Variants in SLC24A2 observed in about 807,000 individuals in gnomAD.
SLC24A2 encodes sodium/potassium/calcium exchanger 2.
A neutral mutation model predicts 62.0 loss-of-function variants in SLC24A2; 36 were observed. That is an observed-to-expected ratio of 0.58 (90% CI 0.44 to 0.77). SLC24A2 has a LOEUF of 0.77. SLC24A2 is among the 30% of genes least tolerant of loss of function. The probability of loss-of-function intolerance (pLI) is 0.00; values close to 1 mark genes in which losing one functional copy is unlikely to be tolerated. For synonymous variants in SLC24A2, 358 were observed against 294.0 expected (o/e 1.22, Z -2.23); for missense variants, 846 against 817.9 (o/e 1.03, Z -0.42).
chr9:19,903,370 T>C, the SLC24A2 span, among the ~76,000 whole-genome samples: 12 of 152,166 alleles, frequency 7.9e-5, no homozygotes, highest in Admixed American at 3.3e-4. Flanking sequence ...CCTCTTCTTA[T>C]AAGGACACCA....
the SLC24A2 span, among the ~76,000 whole-genome samples, chr9:19,918,960 C>T: frequency 6.6e-6 from 1 of 152,194 alleles, no homozygotes; most frequent in African/African-American, 2.4e-5. Context: ...TAATTTGGGT[C>T]ATAAGGTTTC....
chr9:19,623,525 AG>A (rs1817960655), intron 2 of SLC24A2, among the ~76,000 whole-genome samples: 1 of 152,222 alleles, frequency 6.6e-6, no homozygotes, highest in South Asian at 2.1e-4. Flanking sequence ...TAAAAAAAAT[AG>A]AAGGGATTCT....
At chr9:20,014,519 C>T in the SLC24A2 span, among the ~76,000 whole-genome samples, 12 of 113,214 alleles carry the variant, frequency 1.1e-4, no homozygotes, top group Non-Finnish European at 1.4e-4. Flanking sequence ...TATATATATA[C>T]ACACACACAC....
chr9:19,675,184 T>C (rs1819526481), intron 2 of SLC24A2, among the ~76,000 whole-genome samples: 1 of 152,178 alleles, frequency 6.6e-6, no homozygotes, highest in South Asian at 2.1e-4. Context: ...TGGGGGTGTC[T>C]GCAAAGAGTC....
At chr9:19,662,925 G>A (rs1409228416) in intron 2 of SLC24A2, among the ~76,000 whole-genome samples, 1 of 152,120 alleles carries the variant, frequency 6.6e-6, no homozygotes, top group African/African-American at 2.4e-5. Flanking sequence ...ACTGGTTTTA[G>A]ATCACTAATA....
intron 2 of SLC24A2, among the ~76,000 whole-genome samples, chr9:19,623,991 C>G (rs746337815): frequency 6.6e-6 from 1 of 152,200 alleles, no homozygotes; most frequent in Non-Finnish European, 1.5e-5. Context: ...TGCCCTAGTT[C>G]CCAAGAGCCT....
chr9:19,520,252 C>A (rs1586880541), intron 10 of SLC24A2, among the ~76,000 whole-genome samples: 1 of 152,324 alleles, frequency 6.6e-6, no homozygotes, highest in African/African-American at 2.4e-5. Context: ...ATTTGTCAGA[C>A]TATTTTTACT....
the SLC24A2 span, among the ~76,000 whole-genome samples, chr9:19,807,147 T>C: frequency 6.6e-6 from 1 of 152,222 alleles, no homozygotes; most frequent in Admixed American, 6.5e-5. Context: ...AATTCTGTCC[T>C]TTTTTGGAAA....
the SLC24A2 span, among the ~76,000 whole-genome samples, chr9:19,864,486 C>T: frequency 3.4e-3 from 510 of 151,976 alleles, 2 homozygotes; most frequent in African/African-American, 0.012. Context: ...TTAAATGTCA[C>T]TTATCATGAC....
intron 5 of SLC24A2, among the ~76,000 whole-genome samples, chr9:19,594,978 C>G (rs1283807494): frequency 6.6e-6 from 1 of 152,156 alleles, no homozygotes; most frequent in Non-Finnish European, 1.5e-5. Flanking sequence ...TGGACAGCTG[C>G]TATTCCAAAA....
At chr9:20,286,766 G>A in the SLC24A2 span, among the ~76,000 whole-genome samples, 2 of 152,096 alleles carry the variant, frequency 1.3e-5, no homozygotes, top group African/African-American at 4.8e-5. Context: ...ATAATGCCAG[G>A]ACAGCAGGCA....
At chr9:19,613,990 T>C (rs2117847844) in intron 4 of SLC24A2, among the ~76,000 whole-genome samples, 1 of 152,324 alleles carries the variant, frequency 6.6e-6, no homozygotes, top group African/African-American at 2.4e-5. Flanking sequence ...GCACTCAGCA[T>C]AGTGCCTGGC....
chr9:19,687,977 A>T (rs959737903), intron 2 of SLC24A2, among the ~76,000 whole-genome samples: 2 of 152,070 alleles, frequency 1.3e-5, no homozygotes, highest in Non-Finnish European at 2.9e-5. Context: ...ACTTTCCAGT[A>T]ATTTATCTCT....
intron 2 of SLC24A2, among the ~76,000 whole-genome samples, chr9:19,763,925 G>A (rs1261620686): frequency 2.0e-5 from 3 of 152,170 alleles, no homozygotes; most frequent in African/African-American, 7.2e-5. Context: ...GAATTTGGCT[G>A]TGAATCCATC....
chr9:19,826,233 T>C, the SLC24A2 span, among the ~76,000 whole-genome samples: 1 of 150,236 alleles, frequency 6.7e-6, no homozygotes, highest in Non-Finnish European at 1.5e-5. Flanking sequence ...ATTTAACATG[T>C]TCATTAAAAG....
At chr9:20,121,253 T>A in the SLC24A2 span, among the ~76,000 whole-genome samples, 3 of 151,368 alleles carry the variant, frequency 2.0e-5, no homozygotes, top group Admixed American at 2.0e-4. Context: ...ATCCATGAAC[T>A]TTGTATAGCT....
At chr9:19,609,228 T>A (rs879310361) in intron 4 of SLC24A2, among the ~76,000 whole-genome samples, 1 of 152,240 alleles carries the variant, frequency 6.6e-6, no homozygotes, top group Non-Finnish European at 1.5e-5. Context: ...ATGAGGGCCA[T>A]GTCCCTTCAG....
chr9:20,010,062 G>C, the SLC24A2 span, among the ~76,000 whole-genome samples: 14 of 152,276 alleles, frequency 9.2e-5, no homozygotes, highest in Non-Finnish European at 1.8e-4. Context: ...AGCCAGCGGC[G>C]CTCCACCTGA....
chr9:19,806,483 T>C, the SLC24A2 span, among the ~76,000 whole-genome samples: 2 of 152,274 alleles, frequency 1.3e-5, no homozygotes, highest in Middle Eastern at 6.8e-3. Context: ...TCTTTCTATA[T>C]AAGGTTTACT....
Sources: gnomAD v4.1 joint callset for allele counts (sites outside exome capture counted in the v4.1 genomes callset) on GRCh38, gnomAD v4.1.1 for gene constraint, MANE v1.5 for transcripts, NCBI Gene and HGNC (gene_info 2026-07-23, HGNC 2026-07-21) for gene names.